The following SPOCK3 variants were observed in gnomAD, a reference collection of about 807,000 sequenced individuals.
SPOCK3 encodes the protein testican-3.
In SPOCK3, 30 loss-of-function variants were observed where a neutral mutation model predicts 56.6. The ratio of observed to expected loss-of-function variants is 0.53; its 90% CI spans 0.40 to 0.72. The LOEUF is 0.72. Ranked by LOEUF, SPOCK3 falls within the 30% of genes least tolerant of loss-of-function variation. The pLI is 0.00. For missense variants in SPOCK3, 527 were observed against 530.0 expected, an observed-to-expected ratio of 0.99 and a Z score of 0.06; for synonymous variants, 196 against 183.3, an observed-to-expected ratio of 1.07 and a Z score of -0.56.
chr4:167,117,516 C>T (rs373122148), intron 2 of SPOCK3, among the ~76,000 whole-genome samples: 8 of 152,234 alleles, frequency 5.3e-5, no homozygotes, highest in Admixed American at 2.0e-4. Context: ...CCCCCACCCA[C>T]GTAGTACACA....
At chr4:166,774,502 C>T (rs989766608) in intron 7 of SPOCK3, among the ~76,000 whole-genome samples, 1 of 152,180 alleles carries the variant, frequency 6.6e-6, no homozygotes, top group African/African-American at 2.4e-5. Context: ...CTGGAGTTTA[C>T]TCTGTATTCC....
At chr4:167,117,808 G>C (rs1761555470) in intron 2 of SPOCK3, among the ~76,000 whole-genome samples, 1 of 152,146 alleles carries the variant, frequency 6.6e-6, no homozygotes, top group South Asian at 2.1e-4. Context: ...GAAAGACCTA[G>C]TCTCATTCTG....
chr4:166,855,834 C>T (rs1011115028), intron 6 of SPOCK3, among the ~76,000 whole-genome samples: 1 of 152,136 alleles, frequency 6.6e-6, no homozygotes, highest in African/African-American at 2.4e-5. Context: ...GTTTCTAACA[C>T]TTTCTCAGGT....
chr4:167,010,832 A>C (rs969815846), intron 3 of SPOCK3, among the ~76,000 whole-genome samples: 8 of 152,138 alleles, frequency 5.3e-5, no homozygotes, highest in African/African-American at 1.9e-4. Context: ...GGGGGGAGAT[A>C]AAATGAGGTG....
At chr4:166,801,390 T>C (rs1164247999) in intron 6 of SPOCK3, among the ~76,000 whole-genome samples, 1 of 152,120 alleles carries the variant, frequency 6.6e-6, no homozygotes, top group Non-Finnish European at 1.5e-5. Flanking sequence ...AAACAACACA[T>C]GACCGTATAT....
intron 2 of SPOCK3, among the ~76,000 whole-genome samples, chr4:167,196,482 G>T (rs940458324): frequency 8.6e-5 from 13 of 151,982 alleles, no homozygotes; most frequent in African/African-American, 3.1e-4. Flanking sequence ...TGTAATCAAG[G>T]TGTCAACCAG....
intron 8 of SPOCK3, among the ~76,000 whole-genome samples, chr4:166,752,451 C>T (rs1158719798): frequency 6.6e-6 from 1 of 151,774 alleles, no homozygotes; most frequent in Non-Finnish European, 1.5e-5. Context: ...GTCTTCATGG[C>T]AGTTTTAAGT....
chr4:166,939,427 A>G (rs1740807750), intron 4 of SPOCK3, among the ~76,000 whole-genome samples: 1 of 152,218 alleles, frequency 6.6e-6, no homozygotes, highest in Admixed American at 6.5e-5. Flanking sequence ...AACAGATATC[A>G]TAAGAACTTT....
chr4:167,088,766 C>A (rs1277361173), intron 2 of SPOCK3, among the ~76,000 whole-genome samples: 3 of 151,988 alleles, frequency 2.0e-5, no homozygotes, highest in South Asian at 4.1e-4. Context: ...CCTGGCTGCT[C>A]ATTTTTAAGG....
intron 4 of SPOCK3, among the ~76,000 whole-genome samples, chr4:166,979,165 A>G (rs1445288210): frequency 1.3e-5 from 2 of 152,150 alleles, no homozygotes; most frequent in East Asian, 1.9e-4. Flanking sequence ...ATCTCTGCAG[A>G]TGTCTTCTTT....
chr4:166,889,260 A>T lies in SPOCK3; in HGVS notation c.475-16T>A, dbSNP rs1272625455. ...CTAGTTTGCACTGTATAAAAAGAGA[A>T]AAAAAAAGTAATTCAAATGCTTTAG... On this transcript the variant is annotated splice_polypyrimidine_tract_variant and intron_variant, in intron 5 of 10. Transcript: ENST00000357545. The T allele has an allele frequency of 7.5e-6, 11 of 1,475,560 alleles. 1 individual carries two copies. The Middle Eastern group carries it at 5.2e-4, about 70-fold the overall frequency. The allele number at this position is 1,475,560 out of a possible 1,614,324, so 91.4% of individuals were successfully genotyped here. A position where few individuals can be genotyped will look rare whatever the true frequency, so the allele number is the denominator to read the frequency against.
At chr4:166,944,543 T>C (rs557212751) in intron 4 of SPOCK3, among the ~76,000 whole-genome samples, 1 of 152,290 alleles carries the variant, frequency 6.6e-6, no homozygotes. Context: ...GTTCTTTTTT[T>C]CTTGAGGGAG....
intron 3 of SPOCK3, among the ~76,000 whole-genome samples, chr4:167,022,124 C>T (rs1751246238): frequency 6.6e-6 from 1 of 151,848 alleles, no homozygotes; most frequent in Non-Finnish European, 1.5e-5. Context: ...CCATCTAGTA[C>T]TGAATAACTC....
At chr4:166,933,624 C>T (rs979743944) in intron 4 of SPOCK3, among the ~76,000 whole-genome samples, 2 of 152,144 alleles carry the variant, frequency 1.3e-5, no homozygotes, top group Non-Finnish European at 2.9e-5. Flanking sequence ...CATCTTATAG[C>T]AAGGCACCAA....
rs377744359 is a variant in SPOCK3 at position 167,109,250 on chromosome 4, T to C, written c.190-46713A>G. The stretch of plus-strand genomic sequence containing the variant: ...ATAATATATATTTAATATTTATTTA[T>C]TATATATTTATTATTATTATAAAAA... On this transcript the variant is annotated intron_variant, in intron 2 of 10. Coordinates refer to ENST00000357545, the MANE Select transcript of SPOCK3 (RefSeq NM_001040159.2). 3.3e-5 allele frequency among the ~76,000 whole-genome samples: 3 copies of C among 89,816 alleles called. No individual in the cohort carries two copies. In the East Asian group the frequency reaches 1.0e-3, roughly 30 times the overall value. 58.9% of individuals were successfully genotyped at this position (89,816 alleles called of 152,430 possible).
At chr4:166,820,969 T>G (rs777912244) in intron 6 of SPOCK3, among the ~76,000 whole-genome samples, 2 of 151,892 alleles carry the variant, frequency 1.3e-5, no homozygotes, top group African/African-American at 4.8e-5. Flanking sequence ...AAACTAAAAA[T>G]GTCTGCACAT....
chr4:166,881,940 A>G (rs1162094565), intron 6 of SPOCK3, among the ~76,000 whole-genome samples: 1 of 152,210 alleles, frequency 6.6e-6, no homozygotes. Flanking sequence ...ATCGTACATT[A>G]TATTTAATAT....
At chr4:167,100,057 T>A (rs985703559) in intron 2 of SPOCK3, among the ~76,000 whole-genome samples, 1 of 152,194 alleles carries the variant, frequency 6.6e-6, no homozygotes, top group Admixed American at 6.6e-5. Flanking sequence ...TGATGTGAAT[T>A]AAGCTTGGAT....
intron 3 of SPOCK3, among the ~76,000 whole-genome samples, chr4:167,019,591 T>A (rs1473887379): frequency 6.6e-6 from 1 of 152,038 alleles, no homozygotes; most frequent in East Asian, 1.9e-4. Flanking sequence ...ATTATTTGCA[T>A]TTAGTTTTTT....
Sources: allele counts gnomAD v4.1 joint callset (sites outside exome capture counted in the v4.1 genomes callset), GRCh38; gene constraint gnomAD v4.1.1; transcripts MANE v1.5; gene names NCBI Gene and HGNC (gene_info 2026-07-23, HGNC 2026-07-21).